The following TEX9 variants were observed in gnomAD, a reference collection of about 807,000 sequenced individuals.
TEX9 encodes testis expressed 9.
Under a neutral mutation model 59.6 loss-of-function variants are expected in TEX9, and 74 were observed. That is an observed-to-expected ratio of 1.24 (90% confidence interval 1.03 to 1.51). The LOEUF (loss-of-function observed/expected upper bound fraction) is 1.51, where lower values mean the gene tolerates loss of function less well. TEX9 is among the 40% of genes most tolerant of loss of function. The probability of loss-of-function intolerance (pLI) is 0.00; values close to 1 mark genes in which losing one functional copy is unlikely to be tolerated. For synonymous variants in TEX9, 186 were observed against 152.2 expected (o/e 1.22, Z -1.64); for missense variants, 522 against 447.8 (o/e 1.17, Z -1.49).
intron 1 of TEX9, among the ~76,000 whole-genome samples, chr15:56,281,984 G>T (rs189717283): frequency 6.6e-6 from 1 of 152,226 alleles, no homozygotes; most frequent in East Asian, 1.9e-4. Flanking sequence ...CCTGAGCGGA[G>T]AATACCTACC....
At chr15:56,288,348 G>A (rs186930977) in intron 1 of TEX9, among the ~76,000 whole-genome samples, 4 of 151,512 alleles carry the variant, frequency 2.6e-5, no homozygotes, top group East Asian at 3.9e-4. Flanking sequence ...ACTTTCTCAT[G>A]TTTTTTTGTG....
intron 1 of TEX9, among the ~76,000 whole-genome samples, chr15:56,330,734 AG>A (rs1284401374): frequency 1.3e-5 from 2 of 152,076 alleles, no homozygotes; most frequent in Non-Finnish European, 2.9e-5. Context: ...ACCATCAAAA[AG>A]GAAGATAAGA....
intron 3 of TEX9, among the ~76,000 whole-genome samples, chr15:56,374,974 G>A (rs2047366275): frequency 6.6e-6 from 1 of 152,120 alleles, no homozygotes; most frequent in African/African-American, 2.4e-5. Flanking sequence ...GTTGCTTCCA[G>A]ATCTTGGCTA....
At chr15:56,433,737 A>T (rs1251630825) in intron 12 of TEX9, among the ~76,000 whole-genome samples, 2 of 152,170 alleles carry the variant, frequency 1.3e-5, no homozygotes, top group African/African-American at 4.8e-5. Context: ...CTTCCCTTAG[A>T]AAAGCCCACC....
intron 3 of TEX9, among the ~76,000 whole-genome samples, chr15:56,375,985 G>T (rs568191947): frequency 6.7e-6 from 1 of 150,250 alleles, no homozygotes; most frequent in South Asian, 2.1e-4. Flanking sequence ...AAAACCAATT[G>T]CTGCATATTC....
At chr15:56,355,642 C>A (rs552257332) in intron 1 of TEX9, among the ~76,000 whole-genome samples, 2 of 152,154 alleles carry the variant, frequency 1.3e-5, no homozygotes, top group South Asian at 4.1e-4. Context: ...TAAATTTCTA[C>A]AAAAGTTTTG....
At chr15:56,332,702 A>C (rs1023939290) in intron 1 of TEX9, among the ~76,000 whole-genome samples, 13 of 152,096 alleles carry the variant, frequency 8.5e-5, no homozygotes, top group African/African-American at 3.1e-4. Flanking sequence ...AGAAATAAAT[A>C]AAATTGAAAT....
chr15:56,247,087 G>A (rs2043876412), intron 1 of TEX9, among the ~76,000 whole-genome samples: 1 of 152,140 alleles, frequency 6.6e-6, no homozygotes, highest in Non-Finnish European at 1.5e-5. Context: ...GAATTTAGTA[G>A]TTAACTAACC....
At chr15:56,403,571 G>A (rs1458607526) in intron 9 of TEX9, among the ~76,000 whole-genome samples, 1 of 152,238 alleles carries the variant, frequency 6.6e-6, no homozygotes, top group Non-Finnish European at 1.5e-5. Flanking sequence ...GTAATTTATA[G>A]ATTCAATGCC....
At chr15:56,341,006 CAG>C (rs1281419635) in intron 1 of TEX9, among the ~76,000 whole-genome samples, 18 of 152,248 alleles carry the variant, frequency 1.2e-4, no homozygotes, top group African/African-American at 4.3e-4. Context: ...ACCCAAGTCT[CAG>C]AGTTGTATTA....
chr15:56,399,642 GGACA>G (rs2048670597), intron 9 of TEX9, among the ~76,000 whole-genome samples: 1 of 152,218 alleles, frequency 6.6e-6, no homozygotes, highest in Non-Finnish European at 1.5e-5. Context: ...CTCTGAGAAT[GGACA>G]GACTGCCTCC....
At chr15:56,290,395 T>A (rs1354355800) in intron 1 of TEX9, among the ~76,000 whole-genome samples, 2 of 152,134 alleles carry the variant, frequency 1.3e-5, no homozygotes, top group African/African-American at 4.8e-5. Flanking sequence ...CTTTCTTTTT[T>A]GCTCCTAGTG....
downstream of TEX9, among the ~76,000 whole-genome samples, chr15:56,449,708 G>A (rs2050935128): frequency 6.6e-6 from 1 of 152,110 alleles, no homozygotes; most frequent in African/African-American, 2.4e-5. Context: ...TTGTGGACAA[G>A]GTTAAATTAC....
At chr15:56,369,704 T>C (rs2047104203) in intron 2 of TEX9, among the ~76,000 whole-genome samples, 1 of 152,228 alleles carries the variant, frequency 6.6e-6, no homozygotes, top group Admixed American at 6.5e-5. Context: ...TGTGGCCAAG[T>C]GCTTGTTCAC....
downstream of TEX9, among the ~76,000 whole-genome samples, chr15:56,450,105 A>T (rs1235001304): frequency 1.3e-5 from 2 of 152,150 alleles, no homozygotes; most frequent in African/African-American, 4.8e-5. Context: ...ATTCCAGAAG[A>T]GAATTTGCAG....
At chr15:56,460,005 A>ATATATATATATATATATAT in the TEX9 span, among the ~76,000 whole-genome samples, 9 of 30,508 alleles carry the variant, frequency 3.0e-4, no homozygotes, top group African/African-American at 1.1e-3. Flanking sequence ...AAAAAAAAAA[A>ATATATATATATATATATAT]AAAAATACAT....
intron 12 of TEX9, chr15:56,428,542 A>ATTTGATTATGAAAGCAAAATAATT (rs1808404543): frequency 1.0e-5 from 8 of 802,966 alleles, no homozygotes; most frequent in Middle Eastern, 6.4e-4. Flanking sequence ...TAAGTAATAT[A>ATTTGATTATGAAAGCAAAATAATT]TTTGATTATG....
Position 56,394,078 on chromosome 15 carries a change from C to G in TEX9, c.572-87C>G, listed in dbSNP as rs1372128760. The G allele has an allele frequency of 8.6e-6, 11 of 1,278,306 alleles. No homozygotes were observed. The African/African-American group carries it at 1.7e-4, about 19-fold the overall frequency. The allele number at this position is 1,278,306 out of a possible 1,614,324, so 79.2% of individuals were successfully genotyped here. On this transcript the variant is annotated intron_variant, in intron 7 of 12. Transcript: ENST00000352903. ...TTTGACTCCCCATCTTGAGTATTTTCTTCTTTATAAAGTAATGGTCTGTCT... is the reference window on the plus strand; with the variant it reads ...TTTGACTCCCCATCTTGAGTATTTTGTTCTTTATAAAGTAATGGTCTGTCT...
intron 9 of TEX9, among the ~76,000 whole-genome samples, chr15:56,402,138 G>T (rs1165520783): frequency 6.6e-6 from 1 of 152,124 alleles, no homozygotes; most frequent in African/African-American, 2.4e-5. Flanking sequence ...GATCAGAGCA[G>T]AACTGAAGGA....
Sources: gnomAD v4.1 joint callset for allele counts (sites outside exome capture counted in the v4.1 genomes callset) on GRCh38, gnomAD v4.1.1 for gene constraint, MANE v1.5 for transcripts, NCBI Gene and HGNC (gene_info 2026-07-23, HGNC 2026-07-21) for gene names.